SELENOF: variants seen among roughly 807,000 people sequenced by gnomAD.
SELENOF encodes the protein 15 kDa selenoprotein.
A neutral mutation model predicts 20.5 loss-of-function variants in SELENOF; 16 were observed. The observed-to-expected ratio is 0.78, with a 90% CI of 0.53 to 1.19. The LOEUF (loss-of-function observed/expected upper bound fraction) is 1.19. Among genes scored for constraint, SELENOF ranks in the 50% most tolerant of loss-of-function variants. The pLI is 0.00. For missense variants in SELENOF, 215 were observed against 194.2 expected (o/e 1.11, Z -0.64); for synonymous variants, 78 against 74.5 (o/e 1.05, Z -0.24).
In SELENOF at chr1:86,880,676, A is replaced by G; in HGVS notation, c.302T>C (p.Phe101Ser). ...ATTTTATATACCTTGGACTTGAGGG[A>G]ACCTTCCCAATTTTCATCCACAAAC... Reference protein sequence around the residue: ...LEVCGUKLGRFPQVQAFVRSD... With the variant: ...LEVCGUKLGRSPQVQAFVRSD... The change falls in exon 3 of 5, where the codon TTC becomes TCC. Residue 101 changes from phenylalanine (F) to serine (S), a missense_variant. Coordinates refer to ENST00000331835, the MANE Select transcript of SELENOF (RefSeq NM_004261.5). 6.3e-7 allele frequency: 1 copy of G among 1,591,748 alleles called. No homozygotes were observed. The highest frequency in any genetic ancestry group is 8.6e-7 in the Non-Finnish European group (1 of 1,167,316).
intron 2 of SELENOF, among the ~76,000 whole-genome samples, chr1:86,897,669 C>G (rs1659561738): frequency 6.6e-6 from 1 of 152,182 alleles, no homozygotes; most frequent in African/African-American, 2.4e-5. Context: ...CAGGTTCTTG[C>G]ATTATTCCAC....
At chr1:86,890,934 T>C (rs1659367284) in intron 2 of SELENOF, among the ~76,000 whole-genome samples, 1 of 152,176 alleles carries the variant, frequency 6.6e-6, no homozygotes, top group African/African-American at 2.4e-5. Context: ...CTTCCAACTT[T>C]TATTTAATTT....
At chr1:86,902,625 T>C (rs371532417) in intron 2 of SELENOF, among the ~76,000 whole-genome samples, 10 of 152,366 alleles carry the variant, frequency 6.6e-5, no homozygotes, top group African/African-American at 2.4e-4. Flanking sequence ...TCAAATGATC[T>C]TTCCAGTCTA....
intron 3 of SELENOF, among the ~76,000 whole-genome samples, chr1:86,877,807 G>C (rs1331452302): frequency 6.6e-6 from 1 of 152,140 alleles, no homozygotes; most frequent in East Asian, 1.9e-4. Context: ...ATTCGTTTAA[G>C]AACTGTCTAT....
Position 86,897,967 on chromosome 1 carries a change from C to G in SELENOF, c.252+5314G>C, listed in dbSNP as rs141962160. On this transcript the variant is annotated intron_variant, in intron 2 of 4. Transcript: ENST00000331835. ...CAAGATCAATGGGAAGAGTTATACT[C>G]AACTGGACTGGGTATCTTTACCCTT... is the stretch of plus-strand genomic sequence containing the variant. Among the ~76,000 whole-genome samples, 4 of 152,330 alleles carry G rather than the reference C, an allele frequency of 2.6e-5. No homozygotes were observed. The East Asian group carries it at 7.7e-4, about 29-fold the overall frequency.
At chr1:86,872,074 T>C (rs1658785004) in intron 3 of SELENOF, among the ~76,000 whole-genome samples, 1 of 152,226 alleles carries the variant, frequency 6.6e-6, no homozygotes. Flanking sequence ...ACTCTGTTTA[T>C]TTTTGTATTT....
At chr1:86,879,173 A>C (rs1658998863) in intron 3 of SELENOF, among the ~76,000 whole-genome samples, 1 of 152,198 alleles carries the variant, frequency 6.6e-6, no homozygotes, top group Non-Finnish European at 1.5e-5. Flanking sequence ...AAGTATAAAT[A>C]ATCAATGCAG....
chr1:86,914,468 G>C (rs528165986), upstream of SELENOF: 11 of 335,370 alleles, frequency 3.3e-5, no homozygotes, highest in Admixed American at 3.7e-4. Context: ...CTCTGTGGCA[G>C]AGGAAACCAA....
intron 3 of SELENOF, among the ~76,000 whole-genome samples, chr1:86,869,774 G>A (rs973425511): frequency 2.0e-5 from 3 of 147,314 alleles, no homozygotes; most frequent in Non-Finnish European, 3.0e-5. Context: ...TTTTTGAGAC[G>A]GGGTCTCACT....
At chr1:86,866,330 C>A (rs1433997086) in intron 4 of SELENOF, among the ~76,000 whole-genome samples, 1 of 143,964 alleles carries the variant, frequency 6.9e-6, no homozygotes, top group African/African-American at 2.6e-5. Flanking sequence ...ATGGATGAAC[C>A]CTGATCCAAG....
At chr1:86,886,549 AG>A (rs1368489846) in intron 2 of SELENOF, among the ~76,000 whole-genome samples, 1 of 152,118 alleles carries the variant, frequency 6.6e-6, no homozygotes, top group African/African-American at 2.4e-5. Flanking sequence ...CAGTACCAAC[AG>A]AAAAAAACTA....
At chr1:86,863,698 T>C (rs1658519638) in intron 4 of SELENOF, 93 bp from the exon 5 acceptor site, 2 of 1,145,296 alleles carry the variant, frequency 1.7e-6, no homozygotes, top group Non-Finnish European at 2.4e-6. Flanking sequence ...AGTTTAAATT[T>C]AGTAATTAAA....
chr1:86,911,740 T>C (rs1474116805), intron 1 of SELENOF, among the ~76,000 whole-genome samples: 5 of 151,838 alleles, frequency 3.3e-5, no homozygotes, highest in Admixed American at 6.6e-5. Context: ...CTTTAACGAC[T>C]AATTGAATTC....
At chr1:86,873,863 A>C (rs1266495562) in intron 3 of SELENOF, among the ~76,000 whole-genome samples, 1 of 152,100 alleles carries the variant, frequency 6.6e-6, no homozygotes. Flanking sequence ...AAAAAAAAAA[A>C]AAAAAAAATT....
chr1:86,863,340 C>A lies in SELENOF; in HGVS notation c.*134G>T, dbSNP rs368489309. ...TATCATGGACTATACTGCCATTTCA[C>A]GATTTAATTAGATATTTAATGCCTC... On this transcript the variant is annotated 3_prime_UTR_variant, in exon 5 of 5. Transcript: ENST00000331835. 2.7e-6 allele frequency: 2 copies of A among 743,896 alleles called. No individual in the cohort carries two copies. The highest frequency in any genetic ancestry group is 2.9e-5 in the East Asian group (1 of 34,544). The allele number at this position is 743,896 out of a possible 1,614,324, so 46.1% of individuals were successfully genotyped here.
chr1:86,909,961 C>T (rs772105209), intron 1 of SELENOF, among the ~76,000 whole-genome samples: 1 of 152,158 alleles, frequency 6.6e-6, no homozygotes, highest in Non-Finnish European at 1.5e-5. Context: ...TGCACTTCAT[C>T]CCGGGTGACA....
chr1:86,863,701 TA>T, intron 4 of SELENOF, 96 bp from the exon 5 acceptor site: 1 of 1,130,274 alleles, frequency 8.8e-7, no homozygotes, highest in Non-Finnish European at 1.2e-6. Flanking sequence ...TTAAATTTAG[TA>T]ATTAAAAAAA....
At chr1:86,882,628 A>G (rs1480415903) in intron 2 of SELENOF, among the ~76,000 whole-genome samples, 5 of 152,204 alleles carry the variant, frequency 3.3e-5, no homozygotes, top group Non-Finnish European at 5.9e-5. Flanking sequence ...TAGAATTACC[A>G]TATGATCTGC....
At chr1:86,899,546 A>ACC (rs1216170636) in intron 2 of SELENOF, among the ~76,000 whole-genome samples, 1 of 125,984 alleles carries the variant, frequency 7.9e-6, no homozygotes, top group African/African-American at 3.1e-5. Context: ...CGGGGGGCTG[A>ACC]CCCCCCACCT....
Sources: gnomAD v4.1 joint callset for allele counts (sites outside exome capture counted in the v4.1 genomes callset) on GRCh38, gnomAD v4.1.1 for gene constraint, MANE v1.5 for transcripts, NCBI Gene and HGNC (gene_info 2026-07-23, HGNC 2026-07-21) for gene names.